The following RHPN2 variants were observed in gnomAD, a reference collection of about 807,000 sequenced individuals.
RHPN2 encodes rhophilin Rho GTPase binding protein 2.
A neutral mutation model predicts 79.0 loss-of-function variants in RHPN2; 40 were observed. The ratio of observed to expected loss-of-function variants is 0.51; its 90% CI spans 0.39 to 0.66. The LOEUF is 0.66. Ranked by LOEUF, RHPN2 falls within the 30% of genes least tolerant of loss-of-function variation. The pLI is 0.00. For missense variants in RHPN2, 686 were observed against 883.5 expected (o/e 0.78, Z 2.83); for synonymous variants, 285 against 363.5 (o/e 0.78, Z 2.46).
At chr19:32,987,287 A>G (rs1437183797) in intron 14 of RHPN2, among the ~76,000 whole-genome samples, 1 of 152,168 alleles carries the variant, frequency 6.6e-6, no homozygotes, top group Non-Finnish European at 1.5e-5. Flanking sequence ...ACCCTTCAGC[A>G]GTCCCTCCCG....
At chr19:33,040,417 A>G (rs1972091520) in intron 2 of RHPN2, among the ~76,000 whole-genome samples, 1 of 151,064 alleles carries the variant, frequency 6.6e-6, no homozygotes, top group Non-Finnish European at 1.5e-5. Context: ...TTTTATTTTT[A>G]GTTTTAGAGA....
chr19:33,063,946 C>T (rs938535046), intron 1 of RHPN2, among the ~76,000 whole-genome samples: 2 of 152,180 alleles, frequency 1.3e-5, no homozygotes, highest in African/African-American at 4.8e-5. Flanking sequence ...CTGGACGACC[C>T]GGAGCGGAGG....
chr19:33,062,242 C>T (rs563586772), intron 1 of RHPN2, among the ~76,000 whole-genome samples: 31 of 152,268 alleles, frequency 2.0e-4, no homozygotes, highest in African/African-American at 7.0e-4. Context: ...GGGTGGATCA[C>T]CTGAGGTCAG....
chr19:33,010,521 T>TCCC (rs1971827272), intron 6 of RHPN2, among the ~76,000 whole-genome samples: 2 of 151,632 alleles, frequency 1.3e-5, no homozygotes, highest in Non-Finnish European at 2.9e-5. Context: ...TAGCTGCGAC[T>TCCC]ACAAGGCACG....
At position 33,030,306 on chromosome 19, in the gene RHPN2, T is replaced by C. The variant is rs1379299374; in HGVS notation, c.186-3674A>G. ...GGCTATGGCACCAGTAAGAAATACA[T>C]TTTAAGCCAGGTGCAGTGGCTCACA... is the stretch of plus-strand genomic sequence containing the variant. On this transcript the variant is annotated intron_variant, in intron 2 of 14. Coordinates refer to ENST00000254260, the MANE Select transcript of RHPN2 (RefSeq NM_033103.5). Among the ~76,000 whole-genome samples the C allele has an allele frequency of 2.0e-5, 3 of 152,000 alleles. No homozygotes were observed. The East Asian group carries it at 5.8e-4, about 29-fold the overall frequency.
chr19:32,982,832 A>G (rs1971584953), intron 14 of RHPN2, among the ~76,000 whole-genome samples: 1 of 151,964 alleles, frequency 6.6e-6, no homozygotes, highest in African/African-American at 2.4e-5. Flanking sequence ...CCAAACCTCT[A>G]ATAGGCACCC....
At chr19:33,039,629 G>A (rs1972084391) in intron 2 of RHPN2, among the ~76,000 whole-genome samples, 2 of 152,060 alleles carry the variant, frequency 1.3e-5, no homozygotes, top group African/African-American at 4.8e-5. Flanking sequence ...CTTGAGGTCA[G>A]GAGTTTGAGA....
chr19:33,036,722 C>A (rs1025482014), intron 2 of RHPN2, among the ~76,000 whole-genome samples: 1 of 152,192 alleles, frequency 6.6e-6, no homozygotes, highest in South Asian at 2.1e-4. Context: ...TGGACGGGCC[C>A]CGCACTAGGA....
intron 2 of RHPN2, among the ~76,000 whole-genome samples, chr19:33,032,007 CG>C (rs1233719430): frequency 7.0e-6 from 1 of 141,932 alleles, no homozygotes; most frequent in Non-Finnish European, 1.5e-5. Context: ...CGTGAGCCAC[CG>C]GGCCGGTCTT....
intron 3 of RHPN2, 63 bp downstream of exon 3, chr19:33,026,441 A>G: frequency 1.3e-6 from 2 of 1,590,834 alleles, no homozygotes; most frequent in South Asian, 2.2e-5. Context: ...TTTGTGCAGC[A>G]CCCTGGATGT....
At chr19:33,032,123 C>G (rs928172876) in intron 2 of RHPN2, among the ~76,000 whole-genome samples, 8 of 140,698 alleles carry the variant, frequency 5.7e-5, no homozygotes, top group African/African-American at 2.2e-4. Context: ...CAGGTTCAAG[C>G]AATTCTCCTG....
chr19:32,985,603 C>G (rs931295809), intron 14 of RHPN2, among the ~76,000 whole-genome samples: 1 of 151,978 alleles, frequency 6.6e-6, no homozygotes, highest in Admixed American at 6.6e-5. Context: ...GCCAGGGCAA[C>G]GAGAGCGAGA....
Position 32,990,550 on chromosome 19 carries a change from C to T in RHPN2, c.1764G>A (p.Met588Ile). ...TGGAGTCCAGGAGGCTCACGACTTT[C>T]ATCTCGATCTCGTCCTCGCCAAAGC... The part of the protein sequence containing the change: ...LKSFGEDEIE[M>I]KVVSLLDSTS... Residue 588 changes from methionine to isoleucine, a missense_variant, in exon 14 of 15, where the codon ATG becomes ATA. Physicochemically the swap from Met to Ile is conservative, Grantham distance 10. Transcript: ENST00000254260. The T allele has an allele frequency of 6.2e-7, 1 of 1,613,882 alleles. No homozygotes were observed. Among genetic ancestry groups the T allele is most frequent in the South Asian group, 1.1e-5 (1 of 91,070 alleles).
chr19:33,056,516 T>A lies in RHPN2; in HGVS notation c.69+8268A>T, dbSNP rs149658371. The stretch of plus-strand genomic sequence containing the variant: ...AAGGAATCTCTATCAGGATGCAGCA[T>A]TCTAGAAAATTACATTACTCTGCAT... On this transcript the variant is annotated intron_variant, in intron 1 of 14. Transcript: ENST00000254260. Among the ~76,000 whole-genome samples the A allele has an allele frequency of 2.7e-3, 410 of 152,254 alleles. 1 individual carries two copies. Among genetic ancestry groups the A allele is most frequent in the African/African-American group, 9.3e-3 (387 of 41,556 alleles).
chr19:33,060,861 T>A (rs1309701407), intron 1 of RHPN2, among the ~76,000 whole-genome samples: 1 of 152,068 alleles, frequency 6.6e-6, no homozygotes, highest in Non-Finnish European at 1.5e-5. Context: ...GCATCATCAG[T>A]AGTCCGTAAA....
rs369196164 is a variant in RHPN2, at chr19:32,990,561, C to T, written c.1753G>A (p.Glu585Lys). Residue 585 changes from glutamate to lysine, a missense_variant, in exon 14 of 15, where the codon GAG becomes AAG. By Grantham distance (56) the Glu-to-Lys change is moderately conservative (BLOSUM62 1). Coordinates refer to ENST00000254260, the MANE Select transcript of RHPN2 (RefSeq NM_033103.5). Reference sequence around the variant, plus strand: ...AGGCTCACGACTTTCATCTCGATCTCGTCCTCGCCAAAGCTCTTCAGCAGC... The same window carrying T: ...AGGCTCACGACTTTCATCTCGATCTTGTCCTCGCCAAAGCTCTTCAGCAGC... The part of the protein sequence containing the change: ...MKLLKSFGED[E>K]IEMKVVSLLD... 1.8e-5 allele frequency: 29 copies of T among 1,613,756 alleles called. No individual in the cohort carries two copies. Among genetic ancestry groups the T allele is most frequent in the Non-Finnish European group, 2.5e-5 (29 of 1,179,874 alleles).
chr19:33,054,280 A>G (rs1332154262), intron 1 of RHPN2, among the ~76,000 whole-genome samples: 1 of 145,430 alleles, frequency 6.9e-6, no homozygotes, highest in Non-Finnish European at 1.5e-5. Context: ...AGCTGACTGC[A>G]ACCCCCACCT....
At chr19:33,019,317 C>A (rs1971904411) in intron 4 of RHPN2, among the ~76,000 whole-genome samples, 1 of 151,540 alleles carries the variant, frequency 6.6e-6, no homozygotes, top group Non-Finnish European at 1.5e-5. Flanking sequence ...TGGTGGCTCA[C>A]GCCTGTAATC....
chr19:33,029,295 G>GGC, intron 2 of RHPN2, among the ~76,000 whole-genome samples: 2 of 152,012 alleles, frequency 1.3e-5, no homozygotes. Flanking sequence ...GGGAGGCCGA[G>GGC]ACGGACGGAT....
Sources: allele counts gnomAD v4.1 joint callset (sites outside exome capture counted in the v4.1 genomes callset), GRCh38; gene constraint gnomAD v4.1.1; transcripts MANE v1.5; gene names NCBI Gene and HGNC (gene_info 2026-07-23, HGNC 2026-07-21).